Variants in SNRPN observed in about 807,000 individuals in gnomAD.
SNRPN encodes the protein small nuclear ribonucleoprotein polypeptide N, also known as small nuclear ribonucleoprotein-associated protein N.
A neutral mutation model predicts 25.2 loss-of-function variants in SNRPN; 7 were observed. The ratio of observed to expected loss-of-function variants is 0.28; its 90% CI spans 0.16 to 0.52. The LOEUF is 0.52. SNRPN is among the 20% of genes least tolerant of loss of function. SNRPN has a pLI of 0.96. For synonymous variants in SNRPN, 124 were observed against 110.6 expected (o/e 1.12, Z -0.76); for missense variants, 196 against 322.5 (o/e 0.61, Z 3.00).
chr15:24,889,017 A>G (rs1343286924), intron 2 of SNRPN, among the ~76,000 whole-genome samples: 1 of 152,094 alleles, frequency 6.6e-6, no homozygotes, highest in Non-Finnish European at 1.5e-5. Flanking sequence ...TCTGGGGTTC[A>G]TGCCATTCTC....
chr15:24,879,221 G>C (rs947706106), intron 1 of SNRPN, among the ~76,000 whole-genome samples: 7 of 152,062 alleles, frequency 4.6e-5, no homozygotes, highest in African/African-American at 1.2e-4. Flanking sequence ...GATTGCCTGA[G>C]CTCGGGGGTT....
At chr15:24,880,587 C>T (rs959647832) in intron 1 of SNRPN, among the ~76,000 whole-genome samples, 1 of 152,066 alleles carries the variant, frequency 6.6e-6, no homozygotes, top group Admixed American at 6.6e-5. Flanking sequence ...GTAGGAGAGA[C>T]AGGGCAGAAA....
At chr15:24,847,275 G>T (rs2052289649) in intron 2 of SNRPN, among the ~76,000 whole-genome samples, 1 of 152,040 alleles carries the variant, frequency 6.6e-6, no homozygotes, top group African/African-American at 2.4e-5. Context: ...ATAACAAGAG[G>T]CGGGAAAAAA....
upstream of SNRPN, among the ~76,000 whole-genome samples, chr15:24,954,776 A>C (rs543631996): frequency 7.2e-5 from 11 of 152,336 alleles, no homozygotes; most frequent in South Asian, 2.3e-3. Flanking sequence ...CAGGTTGCTT[A>C]TGGTTTCTAG....
intron 2 of SNRPN, chr15:24,850,047 G>T (rs572813001): frequency 1.3e-5 from 2 of 152,174 alleles, no homozygotes; most frequent in Admixed American, 6.5e-5. Context: ...AACAGAGATG[G>T]TAATGAAGCA....
chr15:24,849,907 GA>G (rs1487356454), intron 2 of SNRPN: 1 of 152,206 alleles, frequency 6.6e-6, no homozygotes, highest in Non-Finnish European at 1.5e-5. Flanking sequence ...TACTTGTTAT[GA>G]AAATGAAGGC....
chr15:24,909,614 T>C, intron 2 of SNRPN: 1 of 1,223,522 alleles, frequency 8.2e-7, no homozygotes, highest in Non-Finnish European at 1.2e-6. Flanking sequence ...CATATCCCCC[T>C]CTATATGGGC....
intron 2 of SNRPN, among the ~76,000 whole-genome samples, chr15:24,916,765 G>A (rs896323390): frequency 1.1e-4 from 16 of 152,098 alleles, no homozygotes; most frequent in African/African-American, 3.9e-4. Context: ...CCTTCCGGTG[G>A]GTTTGTGGGT....
At chr15:24,958,521 A>G (rs1253874963) in intron 1 of SNRPN, among the ~76,000 whole-genome samples, 1 of 47,036 alleles carries the variant, frequency 2.1e-5, no homozygotes, top group Non-Finnish European at 5.4e-5. Context: ...TTTTTTTTTT[A>G]AATAGACCAG....
At chr15:24,904,580 G>A (rs112360687) in intron 2 of SNRPN, among the ~76,000 whole-genome samples, 1,736 of 152,036 alleles carry the variant, frequency 0.011, 8 homozygotes, top group Non-Finnish European at 0.015. Flanking sequence ...GCATGAACCC[G>A]GGAGGCAGAG....
chr15:24,840,865 G>A (rs543772268), intron 2 of SNRPN, among the ~76,000 whole-genome samples: 5 of 151,570 alleles, frequency 3.3e-5, no homozygotes, highest in Admixed American at 1.3e-4. Flanking sequence ...TCTTTTTTTC[G>A]AGACGGAGTC....
chr15:24,970,934 C>T (rs1461749028), intron 3 of SNRPN, among the ~76,000 whole-genome samples: 1 of 151,976 alleles, frequency 6.6e-6, no homozygotes. Flanking sequence ...TTTGCATACT[C>T]TTCGATGGAG....
chr15:24,939,379 A>T (rs1309954903), intron 3 of SNRPN, among the ~76,000 whole-genome samples: 2 of 152,094 alleles, frequency 1.3e-5, no homozygotes, highest in South Asian at 4.1e-4. Flanking sequence ...GGCCATTTGT[A>T]TGTCTTTGGA....
intron 1 of SNRPN, among the ~76,000 whole-genome samples, chr15:24,824,003 T>A (rs1171586085): frequency 6.6e-6 from 1 of 152,162 alleles, no homozygotes; most frequent in East Asian, 1.9e-4. Flanking sequence ...TCGAAATACA[T>A]ATTTAATTAT....
chr15:24,875,825 G>A (rs992626846), intron 1 of SNRPN, among the ~76,000 whole-genome samples: 6 of 151,942 alleles, frequency 3.9e-5, no homozygotes, highest in African/African-American at 9.7e-5. Flanking sequence ...AGGCTGAGGC[G>A]GGCAGATCAC....
intron 1 of SNRPN, among the ~76,000 whole-genome samples, chr15:24,880,121 C>A (rs1178514215): frequency 6.6e-6 from 1 of 152,148 alleles, no homozygotes; most frequent in Non-Finnish European, 1.5e-5. Flanking sequence ...TGAAGTTGGA[C>A]CCACTGTCTT....
intron 1 of SNRPN, among the ~76,000 whole-genome samples, chr15:24,864,719 A>C (rs1393333170): frequency 1.3e-5 from 2 of 151,836 alleles, no homozygotes; most frequent in Non-Finnish European, 2.9e-5. Context: ...GCATTCTACA[A>C]ATTTTGATAA....
At chr15:24,933,060 G>T (rs1014241416) in intron 3 of SNRPN, among the ~76,000 whole-genome samples, 1 of 152,256 alleles carries the variant, frequency 6.6e-6, no homozygotes, top group East Asian at 1.9e-4. Flanking sequence ...CCAGGAGTTT[G>T]AGACCAGCCT....
rs1555405064 is a variant in SNRPN, at chr15:24,958,520, T to TAA, written c.-391+3460_-391+3461dup. ...TTTTTTTTTTTTTTTTTTTTTTTTTTAAATAGACCAGGGTCTCCCTATGTT... is the reference window on the plus strand; with the variant it reads ...TTTTTTTTTTTTTTTTTTTTTTTTTTAAAAATAGACCAGGGTCTCCCTATGTT... On this transcript the variant is annotated intron_variant, in intron 1 of 9. Coordinates refer to ENST00000390687, the MANE Select transcript of SNRPN (RefSeq NM_003097.6). 2.8e-3 allele frequency among the ~76,000 whole-genome samples: 344 copies of TAA among 120,746 alleles called. 7 individuals carry two copies. Among genetic ancestry groups the TAA allele is most frequent in the African/African-American group, 0.011 (309 of 29,276 alleles). 79.2% of individuals were successfully genotyped at this position (120,746 alleles called of 152,430 possible). A position where few individuals can be genotyped will look rare whatever the true frequency, so the allele number is the denominator to read the frequency against.
Sources: allele counts gnomAD v4.1 joint callset (sites outside exome capture counted in the v4.1 genomes callset), GRCh38; gene constraint gnomAD v4.1.1; transcripts MANE v1.5; gene names NCBI Gene and HGNC (gene_info 2026-07-23, HGNC 2026-07-21).